Variants in NEDD4L observed in about 807,000 individuals in gnomAD.
NEDD4L encodes the protein E3 ubiquitin-protein ligase NEDD4-like.
NEDD4L carries 54 observed loss-of-function variants against 148.9 expected under a neutral mutation model. That is an observed-to-expected ratio of 0.36 (90% confidence interval 0.29 to 0.45). The LOEUF (loss-of-function observed/expected upper bound fraction) is 0.45. Ranked by LOEUF, NEDD4L falls within the 20% of genes least tolerant of loss-of-function variation. NEDD4L has a pLI of 1.00. For synonymous variants in NEDD4L, 433 were observed against 440.7 expected (o/e 0.98, Z 0.22); for missense variants, 856 against 1,233.8 (o/e 0.69, Z 4.59).
intron 9 of NEDD4L, among the ~76,000 whole-genome samples, chr18:58,327,240 G>A (rs2059390405): frequency 6.6e-6 from 1 of 152,210 alleles, no homozygotes; most frequent in African/African-American, 2.4e-5. Context: ...TGGGATTACA[G>A]GCGCCCGCCG....
At chr18:58,375,429 T>A (rs1486211774) in intron 24 of NEDD4L, among the ~76,000 whole-genome samples, 1 of 152,146 alleles carries the variant, frequency 6.6e-6, no homozygotes, top group Non-Finnish European at 1.5e-5. Context: ...CTTGGCCATC[T>A]TGTGACCTTC....
intron 1 of NEDD4L, among the ~76,000 whole-genome samples, chr18:58,094,689 G>A (rs540503837): frequency 1.7e-3 from 262 of 152,216 alleles, no homozygotes; most frequent in African/African-American, 6.0e-3. Context: ...CACCCCTGCT[G>A]TGTAGATGGC....
chr18:58,178,259 C>T (rs981673287), intron 2 of NEDD4L, among the ~76,000 whole-genome samples: 1 of 152,170 alleles, frequency 6.6e-6, no homozygotes, highest in Admixed American at 6.5e-5. Context: ...CTAGCATTGA[C>T]TTTCTGGGCC....
intron 2 of NEDD4L, among the ~76,000 whole-genome samples, chr18:58,205,334 CA>C (rs56724831): frequency 0.58 from 87,491 of 151,788 alleles, 26,005 homozygotes; most frequent in Non-Finnish European, 0.65. Flanking sequence ...AAGAGAATAA[CA>C]AGAGATTAAA....
chr18:58,197,622 T>C (rs1257633222), intron 2 of NEDD4L: 3 of 152,246 alleles, frequency 2.0e-5, no homozygotes, highest in Admixed American at 1.3e-4. Context: ...TTGATTAACA[T>C]TGAGCTGGGT....
At position 58,134,256 on chromosome 18, in the gene NEDD4L, C is replaced by G. The variant is rs993478188; in HGVS notation, c.49-31532C>G. Among the ~76,000 whole-genome samples the G allele has an allele frequency of 8.5e-5, 13 of 152,140 alleles. 1 individual carries two copies. Among genetic ancestry groups the G allele is most frequent in the Admixed American group, 2.6e-4 (4 of 15,282 alleles). ...CCTCAGGTGATCCATCCGCCTCGGG[C>G]TCCCAAAGTGCTGGCATTACAGGCA... On this transcript the variant is annotated intron_variant, in intron 1 of 30. Transcript: ENST00000400345.
intron 1 of NEDD4L, among the ~76,000 whole-genome samples, chr18:58,107,169 C>T (rs1324982577): frequency 6.6e-6 from 1 of 152,096 alleles, no homozygotes; most frequent in Non-Finnish European, 1.5e-5. Context: ...TTAGGCCCAC[C>T]CTATTGACCT....
intron 1 of NEDD4L, among the ~76,000 whole-genome samples, chr18:58,118,777 C>A (rs2086027524): frequency 6.6e-6 from 1 of 152,324 alleles, no homozygotes; most frequent in African/African-American, 2.4e-5. Flanking sequence ...GACACACTTT[C>A]TCCCACTCTC....
At chr18:58,294,239 TA>T (rs986725873) in intron 5 of NEDD4L, among the ~76,000 whole-genome samples, 1 of 152,208 alleles carries the variant, frequency 6.6e-6, no homozygotes, top group African/African-American at 2.4e-5. Context: ...TTAATTTAGA[TA>T]ACCAAGATAA....
At chr18:58,280,069 G>A (rs1321926604) in intron 5 of NEDD4L, among the ~76,000 whole-genome samples, 1 of 152,082 alleles carries the variant, frequency 6.6e-6, no homozygotes. Flanking sequence ...TTTGCGGGGG[G>A]AGGAGGTATT....
chr18:58,281,979 C>G (rs1368667423), intron 5 of NEDD4L, among the ~76,000 whole-genome samples: 11 of 150,856 alleles, frequency 7.3e-5, no homozygotes, highest in African/African-American at 2.7e-4. Context: ...GAGCCGAGAT[C>G]GCGCCACTGC....
intron 1 of NEDD4L, among the ~76,000 whole-genome samples, chr18:58,132,132 T>G (rs2145981311): frequency 6.6e-6 from 1 of 152,314 alleles, no homozygotes; most frequent in South Asian, 2.1e-4. Flanking sequence ...GACCCAGGGC[T>G]GAGGGATTGA....
intron 1 of NEDD4L, among the ~76,000 whole-genome samples, chr18:58,163,268 A>G (rs963903016): frequency 2.0e-5 from 3 of 152,182 alleles, no homozygotes; most frequent in African/African-American, 7.2e-5. Flanking sequence ...TCTAGCAGGG[A>G]CATCATTTGA....
At chr18:58,087,641 G>A (rs1048728809) in intron 1 of NEDD4L, among the ~76,000 whole-genome samples, 4 of 152,078 alleles carry the variant, frequency 2.6e-5, no homozygotes, top group Non-Finnish European at 5.9e-5. Context: ...TTGAGAGGCC[G>A]AGGCGGGCGG....
At position 58,137,282 on chromosome 18, in the gene NEDD4L, A is replaced by G. The variant is rs567997000; in HGVS notation, c.49-28506A>G. Among the ~76,000 whole-genome samples the G allele has an allele frequency of 3.9e-5, 6 of 152,364 alleles. No homozygotes were observed. The East Asian group carries it at 1.2e-3, about 29-fold the overall frequency. On this transcript the variant is annotated intron_variant, in intron 1 of 30. Transcript: ENST00000400345. ...AGACAAAAACCATATTGTAAGGCCC[A>G]ACCCATCTAAAAAGACAATAGAAAT...
chr18:58,363,478 T>C (rs2045746450), intron 19 of NEDD4L, among the ~76,000 whole-genome samples: 2 of 152,174 alleles, frequency 1.3e-5, no homozygotes, highest in South Asian at 4.1e-4. Flanking sequence ...GCTTTTTCAG[T>C]AGCCAAAACT....
chr18:58,115,055 G>A (rs189452965), intron 1 of NEDD4L, among the ~76,000 whole-genome samples: 340 of 152,178 alleles, frequency 2.2e-3, no homozygotes, highest in Non-Finnish European at 2.6e-3. Flanking sequence ...CTAGTCACAG[G>A]TTCTGGGGAT....
chr18:58,388,988 C>A, intron 27 of NEDD4L, 97 bp from the exon 28 acceptor site: 1 of 937,972 alleles, frequency 1.1e-6, no homozygotes, highest in South Asian at 1.4e-5. Flanking sequence ...CTTCGCGGCA[C>A]AGTGACCACA....
At chr18:58,317,811 G>C (rs1314724991) in intron 6 of NEDD4L, among the ~76,000 whole-genome samples, 4 of 152,172 alleles carry the variant, frequency 2.6e-5, no homozygotes, top group Admixed American at 6.5e-5. Context: ...AGAGGACCGA[G>C]TGCCCCTAGT....
Sources: allele counts gnomAD v4.1 joint callset (sites outside exome capture counted in the v4.1 genomes callset), GRCh38; gene constraint gnomAD v4.1.1; transcripts MANE v1.5; gene names NCBI Gene and HGNC (gene_info 2026-07-23, HGNC 2026-07-21).